FAM178B: variants seen among roughly 807,000 people sequenced by gnomAD.
FAM178B encodes family with sequence similarity 178 member B.
In FAM178B, 82 loss-of-function variants were observed where a neutral mutation model predicts 91.7. The ratio of observed to expected loss-of-function variants is 0.89; its 90% CI spans 0.75 to 1.07. The LOEUF is 1.07. FAM178B is among the 50% of genes least tolerant of loss of function. The pLI is 0.00. For missense variants in FAM178B, 769 were observed against 846.7 expected (o/e 0.91, Z 1.14); for synonymous variants, 368 against 359.4 (o/e 1.02, Z -0.27).
intron 14 of FAM178B, among the ~76,000 whole-genome samples, chr2:96,881,505 G>A (rs2080383757): frequency 6.6e-6 from 1 of 151,904 alleles, no homozygotes; most frequent in African/African-American, 2.4e-5. Context: ...TGATGGCGCA[G>A]CTCACTGGCC....
intron 8 of FAM178B, among the ~76,000 whole-genome samples, chr2:96,932,935 G>A (rs13404734): frequency 0.24 from 23,904 of 100,500 alleles, 3,131 homozygotes; most frequent in African/African-American, 0.45. Context: ...GTGAGACTCC[G>A]TCTCACAAAA....
Position 96,967,532 on chromosome 2 carries a change from G to C in FAM178B, c.722C>G (p.Thr241Arg). The change falls in exon 5 of 17, where the codon ACA becomes AGA. Residue 241 changes from threonine to arginine, a missense_variant. Physicochemically the swap from Thr to Arg is moderately conservative, Grantham distance 71. Coordinates refer to ENST00000490605, the MANE Select transcript of FAM178B (RefSeq NM_001122646.3). The stretch of plus-strand genomic sequence containing the variant: ...CCCTGCCCCTCACCTGTGCTCGGGT[G>C]TGAGTGGCACTTCCTCTTCATCAAG... ...LDLDEEEVPL[T>R]PEHRMLVEKY... is the part of the protein sequence containing the mutation. The C allele has an allele frequency of 1.3e-6, 2 of 1,548,150 alleles. No individual in the cohort carries two copies. The highest frequency in any genetic ancestry group is 1.7e-6 in the Non-Finnish European group (2 of 1,145,004).
chr2:96,960,139 C>CA, intron 6 of FAM178B, 149 bp downstream of exon 6: 2 of 789,656 alleles, frequency 2.5e-6, no homozygotes, highest in Middle Eastern at 3.9e-4. Flanking sequence ...TAGACAATGT[C>CA]ACCTATATCT....
chr2:96,941,058 G>A (rs574825841), intron 8 of FAM178B, among the ~76,000 whole-genome samples: 2 of 152,306 alleles, frequency 1.3e-5, no homozygotes, highest in South Asian at 2.1e-4. Flanking sequence ...CTAATGTGGC[G>A]AAAGAAATAC....
chr2:96,899,021 G>C lies in FAM178B; in HGVS notation c.1650+3599C>G, dbSNP rs149916093. Among the ~76,000 whole-genome samples the C allele has an allele frequency of 1.0e-3, 152 of 152,314 alleles. 5 individuals carry two copies. In the East Asian group the frequency reaches 0.023, roughly 23 times the overall value. ...GGACGAGGTGGCCCTTTGAAGGAGT[G>C]TTTCAGGAAGGTCTGACAGGCCAGA... is the stretch of plus-strand genomic sequence containing the variant. On this transcript the variant is annotated intron_variant, in intron 13 of 16. Transcript: ENST00000490605.
chr2:96,896,129 C>G (rs1039270707), intron 13 of FAM178B, among the ~76,000 whole-genome samples: 8 of 152,244 alleles, frequency 5.3e-5, no homozygotes, highest in African/African-American at 1.4e-4. Flanking sequence ...TCAGGCTCTG[C>G]AGCCCACACC....
At chr2:96,892,952 A>G (rs752736647) in intron 14 of FAM178B, among the ~76,000 whole-genome samples, 7 of 152,218 alleles carry the variant, frequency 4.6e-5, no homozygotes, top group Non-Finnish European at 1.5e-5. Context: ...TAAACGCACT[A>G]ATATTAGGCA....
intron 6 of FAM178B, among the ~76,000 whole-genome samples, chr2:96,953,759 G>T (rs2153373767): frequency 6.6e-6 from 1 of 152,306 alleles, no homozygotes; most frequent in African/African-American, 2.4e-5. Flanking sequence ...TGCTCGGTGG[G>T]ACGGGAGTGC....
At position 96,986,366 on chromosome 2, in the gene FAM178B, G is replaced by C; in HGVS notation, c.-53C>G. ...GAGGGAGGGTGGCGGGAATTCGCAC[G>C]GCCTCAGAGGACGGGGCCAGCTAGC... is the stretch of plus-strand genomic sequence containing the variant. On this transcript the variant is annotated 5_prime_UTR_variant, in exon 1 of 17. Coordinates refer to ENST00000490605, the MANE Select transcript of FAM178B (RefSeq NM_001122646.3). 2.0e-6 allele frequency: 3 copies of C among 1,521,176 alleles called. No individual in the cohort carries two copies. Among genetic ancestry groups the C allele is most frequent in the Non-Finnish European group, 2.6e-6 (3 of 1,140,674 alleles). 94.2% of individuals were successfully genotyped at this position (1,521,176 alleles called of 1,614,324 possible).
intron 9 of FAM178B, among the ~76,000 whole-genome samples, chr2:96,927,946 T>C (rs1479989894): frequency 6.6e-6 from 1 of 152,200 alleles, no homozygotes; most frequent in East Asian, 1.9e-4. Flanking sequence ...TGCAGCTCTG[T>C]GCCAGGAGGA....
chr2:96,931,188 G>C (rs1016145863), intron 8 of FAM178B, among the ~76,000 whole-genome samples: 5 of 152,190 alleles, frequency 3.3e-5, no homozygotes, highest in African/African-American at 1.2e-4. Context: ...GGATACATCA[G>C]AAGCACATAC....
At chr2:96,944,159 G>A (rs768183357) in intron 8 of FAM178B, among the ~76,000 whole-genome samples, 21 of 150,866 alleles carry the variant, frequency 1.4e-4, no homozygotes, top group Non-Finnish European at 2.1e-4. Context: ...GGAGAATGGC[G>A]TGAACCCGGG....
At chr2:96,946,560 G>C (rs942067599) in intron 8 of FAM178B, among the ~76,000 whole-genome samples, 1 of 152,242 alleles carries the variant, frequency 6.6e-6, no homozygotes, top group Non-Finnish European at 1.5e-5. Context: ...ATGCTCTGGA[G>C]TTAGAAGAGC....
intron 14 of FAM178B, among the ~76,000 whole-genome samples, chr2:96,883,348 G>C (rs191057176): frequency 6.6e-6 from 1 of 152,224 alleles, no homozygotes; most frequent in East Asian, 1.9e-4. Flanking sequence ...CCAAGGGAGC[G>C]GGCTGTGGCC....
rs1005703204 is a variant in FAM178B at position 96,923,570 on chromosome 2, C to T, written c.1207G>A (p.Glu403Lys). ...TCCTCATTCTCATTCAGGCCAGCCT[C>T]GCCTGGAAGCACCCTGTGGTAAGAC... The part of the protein sequence containing the change: ...FWHGGRVLPG[E>K]AGLNENEEQD... The change falls in exon 10 of 17, where the codon GAG (glutamate) becomes AAG (lysine). Residue 403 changes from glutamate to lysine, a missense_variant. By Grantham distance (56) the Glu-to-Lys change is moderately conservative. Coordinates refer to ENST00000490605, the MANE Select transcript of FAM178B (RefSeq NM_001122646.3). The T allele has an allele frequency of 7.7e-6, 12 of 1,551,496 alleles. 1 individual carries two copies. The highest frequency in any genetic ancestry group is 5.5e-5 in the African/African-American group (4 of 73,066).
chr2:96,903,016 A>G (rs554326176), intron 12 of FAM178B, among the ~76,000 whole-genome samples: 1 of 152,106 alleles, frequency 6.6e-6, no homozygotes, highest in East Asian at 1.9e-4. Context: ...CCATAGAGGC[A>G]GCAGCACTGA....
chr2:96,970,636 C>T, intron 4 of FAM178B, 80 bp downstream of exon 4: 1 of 1,126,146 alleles, frequency 8.9e-7, no homozygotes, highest in Non-Finnish European at 1.3e-6. Flanking sequence ...GTACTCCGAC[C>T]AGACTCTGCA....
intron 12 of FAM178B, among the ~76,000 whole-genome samples, chr2:96,903,292 GCCTCCCAAAGTGCTGGGAT>G: frequency 6.6e-6 from 1 of 152,348 alleles, no homozygotes; most frequent in Middle Eastern, 3.4e-3. Flanking sequence ...GCTCGCTTCA[GCCTCCCAAAGTGCTGGGAT>G]TACAGGCGTG....
intron 8 of FAM178B, among the ~76,000 whole-genome samples, chr2:96,932,659 C>G (rs189695472): frequency 9.9e-5 from 15 of 152,250 alleles, no homozygotes; most frequent in Admixed American, 2.6e-4. Flanking sequence ...CAGCATGGGC[C>G]GGGCATGGTG....
Sources: gnomAD v4.1 joint callset for allele counts (sites outside exome capture counted in the v4.1 genomes callset) on GRCh38, gnomAD v4.1.1 for gene constraint, MANE v1.5 for transcripts, NCBI Gene and HGNC (gene_info 2026-07-23, HGNC 2026-07-21) for gene names.